GRM5: variants seen among roughly 807,000 people sequenced by gnomAD.
The protein encoded by GRM5 is metabotropic glutamate receptor 5.
A neutral mutation model predicts 83.1 loss-of-function variants in GRM5; 19 were observed. The ratio of observed to expected loss-of-function variants is 0.23; its 90% CI spans 0.16 to 0.34. The LOEUF is 0.34. Ranked by LOEUF, GRM5 falls within the 10% of genes least tolerant of loss-of-function variation. The pLI, the probability that GRM5 is intolerant of heterozygous loss-of-function variation, is 1.00. For synonymous variants in GRM5, 675 were observed against 633.6 expected, an observed-to-expected ratio of 1.07 and a Z score of -0.98; for missense variants, 1,160 against 1,588.3, an observed-to-expected ratio of 0.73 and a Z score of 4.58.
intron 5 of GRM5, among the ~76,000 whole-genome samples, chr11:88,603,649 T>C (rs1365576947): frequency 6.6e-6 from 1 of 152,014 alleles, no homozygotes; most frequent in Non-Finnish European, 1.5e-5. Flanking sequence ...AAAAAAAACC[T>C]GGGTTTTCAC....
intron 8 of GRM5, among the ~76,000 whole-genome samples, chr11:88,540,260 T>A (rs1942235885): frequency 6.6e-6 from 1 of 152,196 alleles, no homozygotes; most frequent in Non-Finnish European, 1.5e-5. Context: ...TCCTGTCCTA[T>A]CTCAATGCAT....
At chr11:88,613,168 T>G (rs1938375261) in intron 4 of GRM5, among the ~76,000 whole-genome samples, 1 of 152,144 alleles carries the variant, frequency 6.6e-6, no homozygotes, top group African/African-American at 2.4e-5. Flanking sequence ...AGAATGTATA[T>G]TCTGTTGTTT....
At chr11:88,651,624 C>T (rs983008751) in intron 4 of GRM5, among the ~76,000 whole-genome samples, 3 of 151,968 alleles carry the variant, frequency 2.0e-5, no homozygotes, top group African/African-American at 7.2e-5. Context: ...ACGTATTTTG[C>T]CATAAAAAAT....
chr11:89,028,860 C>T (rs1941192149), intron 2 of GRM5, among the ~76,000 whole-genome samples: 2 of 152,132 alleles, frequency 1.3e-5, no homozygotes, highest in South Asian at 2.1e-4. Flanking sequence ...GGTATACACA[C>T]ACGTGCCATG....
intron 3 of GRM5, among the ~76,000 whole-genome samples, chr11:88,669,147 A>G (rs1306178689): frequency 6.6e-6 from 1 of 152,168 alleles, no homozygotes; most frequent in Non-Finnish European, 1.5e-5. Flanking sequence ...CTAAATGTTC[A>G]CTAGTGGATG....
chr11:88,579,563 A>G (rs1346175857), intron 7 of GRM5, among the ~76,000 whole-genome samples: 1 of 152,198 alleles, frequency 6.6e-6, no homozygotes, highest in Non-Finnish European at 1.5e-5. Context: ...AATAGTGGTC[A>G]TGTGGTTATC....
chr11:88,634,483 T>C (rs1939064777), intron 4 of GRM5, among the ~76,000 whole-genome samples: 1 of 152,192 alleles, frequency 6.6e-6, no homozygotes, highest in African/African-American at 2.4e-5. Flanking sequence ...TTAAATGTTT[T>C]TGTTAAAAAC....
chr11:88,756,530 T>C (rs889936695), intron 3 of GRM5, among the ~76,000 whole-genome samples: 2 of 152,168 alleles, frequency 1.3e-5, no homozygotes, highest in African/African-American at 4.8e-5. Flanking sequence ...ATATGTCTCA[T>C]ATAGTACTAT....
intron 3 of GRM5, among the ~76,000 whole-genome samples, chr11:88,746,720 G>C (rs538557848): frequency 1.1e-4 from 17 of 152,278 alleles, no homozygotes; most frequent in African/African-American, 4.1e-4. Context: ...GATAGAGACT[G>C]TTAATATGCT....
chr11:88,534,185 C>CT (rs755389617), intron 8 of GRM5, among the ~76,000 whole-genome samples: 2 of 152,194 alleles, frequency 1.3e-5, no homozygotes, highest in African/African-American at 2.4e-5. Flanking sequence ...ACACAGAGTC[C>CT]TTACTGGGGC....
chr11:88,626,887 G>A (rs752274857), intron 4 of GRM5, among the ~76,000 whole-genome samples: 4 of 152,152 alleles, frequency 2.6e-5, no homozygotes, highest in Non-Finnish European at 4.4e-5. Context: ...CAAGAAGGAG[G>A]CTGTCTGTAG....
At chr11:88,563,890 T>A (rs974607103) in intron 8 of GRM5, among the ~76,000 whole-genome samples, 1 of 152,160 alleles carries the variant, frequency 6.6e-6, no homozygotes, top group African/African-American at 2.4e-5. Flanking sequence ...TATAGTGTAA[T>A]AAATATGCTA....
At chr11:88,541,671 T>C (rs1222958528) in intron 8 of GRM5, among the ~76,000 whole-genome samples, 3 of 152,220 alleles carry the variant, frequency 2.0e-5, no homozygotes, top group Non-Finnish European at 2.9e-5. Flanking sequence ...GAATAACTTA[T>C]ATAACTTTTT....
chr11:88,593,157 T>A (rs775376044), intron 6 of GRM5, among the ~76,000 whole-genome samples: 3 of 152,240 alleles, frequency 2.0e-5, no homozygotes, highest in Non-Finnish European at 4.4e-5. Flanking sequence ...ATATAACATA[T>A]CTGAAACTTT....
chr11:88,534,919 G>A (rs1349176776), intron 8 of GRM5, among the ~76,000 whole-genome samples: 1 of 152,132 alleles, frequency 6.6e-6, no homozygotes, highest in Non-Finnish European at 1.5e-5. Context: ...GTTTGATAAG[G>A]GGAAACTTGT....
intron 8 of GRM5, among the ~76,000 whole-genome samples, chr11:88,529,529 AG>A (rs1941958862): frequency 6.6e-6 from 1 of 151,852 alleles, no homozygotes; most frequent in African/African-American, 2.4e-5. Flanking sequence ...AGGAGGTCAA[AG>A]GGGAAAGCAG....
At chr11:88,804,642 T>C (rs1479269684) in intron 3 of GRM5, among the ~76,000 whole-genome samples, 2 of 151,954 alleles carry the variant, frequency 1.3e-5, no homozygotes, top group African/African-American at 4.8e-5. Context: ...CATATGTAAC[T>C]AGCCTGCACA....
Position 88,658,282 on chromosome 11 carries a change from T to C in GRM5, c.912-4879A>G, listed in dbSNP as rs112347488. Among the ~76,000 whole-genome samples the C allele has an allele frequency of 2.6e-3, 398 of 152,200 alleles. 3 individuals are homozygous for C. The highest frequency in any genetic ancestry group is 9.0e-3 in the African/African-American group (372 of 41,540). On this transcript the variant is annotated intron_variant, in intron 3 of 9. Coordinates refer to ENST00000305447, the MANE Select transcript of GRM5 (RefSeq NM_001143831.3). The stretch of plus-strand genomic sequence containing the variant: ...CTGTTGTAGAAGGAAAAACAGATGA[T>C]AGGGGAATCATACAATGGTTCTTAA...
At chr11:88,953,642 G>A (rs1938527310) in intron 2 of GRM5, among the ~76,000 whole-genome samples, 1 of 152,086 alleles carries the variant, frequency 6.6e-6, no homozygotes, top group Non-Finnish European at 1.5e-5. Context: ...GTGGCCAGTC[G>A]CTATCAGAAA....
Sources: allele counts gnomAD v4.1 joint callset (sites outside exome capture counted in the v4.1 genomes callset), GRCh38; gene constraint gnomAD v4.1.1; transcripts MANE v1.5; gene names NCBI Gene and HGNC (gene_info 2026-07-23, HGNC 2026-07-21).